The following DENND3 variants were observed in gnomAD, a reference collection of about 807,000 sequenced individuals.
The protein encoded by DENND3 is DENN domain containing 3.
DENND3 carries 88 observed loss-of-function variants against 135.1 expected under a neutral mutation model. That is an observed-to-expected ratio of 0.65 (90% CI 0.55 to 0.78). DENND3 has a LOEUF of 0.78. Ranked by LOEUF, DENND3 falls within the 30% of genes least tolerant of loss-of-function variation. DENND3 has a pLI of 0.00. For synonymous variants in DENND3, 693 were observed against 712.3 expected (o/e 0.97, Z 0.43); for missense variants, 1,392 against 1,688.4 (o/e 0.82, Z 3.08).
In DENND3 at chr8:141,168,676, G is replaced by A. The variant is rs1821110061; in HGVS notation, c.2275+151G>A. The A allele has an allele frequency of 1.0e-6, 1 of 953,612 alleles. No homozygotes were observed. Among genetic ancestry groups the A allele is most frequent in the African/African-American group, 1.7e-5 (1 of 60,218 alleles). The allele number at this position is 953,612 out of a possible 1,614,324, so 59.1% of individuals were successfully genotyped here. ...TCCTCCCACCTCAGCCTCCCGAGTA[G>A]CTGGGACTAGACTACAGGTACGCGA... is the stretch of plus-strand genomic sequence containing the variant. On this transcript the variant is annotated intron_variant, in intron 13 of 22. Transcript: ENST00000519811. This position sits in a 1 kb window ranked among gnomAD's most constrained non-coding sequence, Gnocchi z 6.2.
rs1199041878 is a variant in DENND3, at chr8:141,168,614, C to T, written c.2275+89C>T. The T allele has an allele frequency of 1.4e-6, 2 of 1,457,528 alleles. No homozygotes were observed. The highest frequency in any genetic ancestry group is 2.4e-5 in the East Asian group (1 of 41,048). 90.3% of individuals were successfully genotyped at this position (1,457,528 alleles called of 1,614,324 possible). ...CCAGGCTGGAGTGGACTGGCAATCA[C>T]AGCTCACTGCAACCTCCACCTCCTG... On this transcript the variant is annotated intron_variant, in intron 13 of 22. Coordinates refer to ENST00000519811, the MANE Select transcript of DENND3 (RefSeq NM_001352890.3). This position sits in a 1 kb window ranked among gnomAD's most constrained non-coding sequence, Gnocchi z 6.2.
chr8:141,142,907 C>G (rs1245976672), intron 4 of DENND3: 1 of 156,648 alleles, frequency 6.4e-6, no homozygotes, highest in Non-Finnish European at 1.4e-5. Context: ...GCCTCCTGGT[C>G]GATGTTATGT....
chr8:141,188,935 C>CA, intron 18 of DENND3, 51 bp from the exon 19 acceptor site: 1 of 1,595,456 alleles, frequency 6.3e-7, no homozygotes, highest in Non-Finnish European at 8.5e-7. Flanking sequence ...AATATGACTT[C>CA]ACCAGTATCG....
At chr8:141,189,236 C>G (rs1033307023) in intron 19 of DENND3, 90 bp downstream of exon 19, 1 of 1,559,176 alleles carries the variant, frequency 6.4e-7, no homozygotes, top group African/African-American at 1.4e-5. Flanking sequence ...CTTGTGCCCA[C>G]AGGGGCCAGG....
rs976079318 is a variant in DENND3, at chr8:141,194,013, C to T, written c.3637-20C>T. ...GAGGGGCTTCTTTCCCTGCTGACCC[C>T]TCCCGTTTCTCCCTGGCAGGTCTGG... is the stretch of plus-strand genomic sequence containing the variant. On this transcript the variant is annotated intron_variant, in intron 22 of 22. Transcript: ENST00000519811. 1 of 1,611,352 alleles carries T rather than the reference C, an allele frequency of 6.2e-7. No individual in the cohort carries two copies. The highest frequency in any genetic ancestry group is 8.5e-7 in the Non-Finnish European group (1 of 1,179,350).
chr8:141,146,031 T>C lies in DENND3; in HGVS notation c.735+1772T>C, dbSNP rs947598910. On this transcript the variant is annotated intron_variant, in intron 5 of 22. Coordinates refer to ENST00000519811, the MANE Select transcript of DENND3 (RefSeq NM_001352890.3). This position sits in a 1 kb window ranked among gnomAD's most constrained non-coding sequence, Gnocchi z 4.3. ...GCTGGCTAATTTTTTGTATTTTTAG[T>C]AGAGATGGGGTTTCACCTTGTTAGC... Among the ~76,000 whole-genome samples the C allele has an allele frequency of 6.6e-6, 1 of 151,598 alleles. No individual in the cohort carries two copies. The highest frequency in any genetic ancestry group is 2.4e-5 in the African/African-American group (1 of 41,292).
Position 141,185,263 on chromosome 8 carries a change from G to A in DENND3, c.3069G>A (p.Val1023=). Reference sequence around the variant, plus strand: ...CCATCCACCAGCACTCCTTTAAAGTGGGCACTGCAAAAGTGGTGAGTACAC... The same window carrying A: ...CCATCCACCAGCACTCCTTTAAAGTAGGCACTGCAAAAGTGGTGAGTACAC... The part of the protein sequence containing the change: ...SWTIHQHSFK[V]GTAKVNCMVM... Residue 1023 remains valine, a synonymous_variant, in exon 18 of 23, where the codon GTG becomes GTA. Transcript: ENST00000519811. 1 of 1,614,178 alleles carries A rather than the reference G, an allele frequency of 6.2e-7. No individual in the cohort carries two copies. Among genetic ancestry groups the A allele is most frequent in the South Asian group, 1.1e-5 (1 of 91,084 alleles).
intron 16 of DENND3, among the ~76,000 whole-genome samples, chr8:141,179,030 A>G (rs1035551860): frequency 6.6e-6 from 1 of 151,418 alleles, no homozygotes. Context: ...GATCTAGGGG[A>G]CTCTGGCTTT....
chr8:141,159,211 G>C lies in DENND3; in HGVS notation c.1197-1421G>C, dbSNP rs146155355. Among the ~76,000 whole-genome samples the C allele has an allele frequency of 5.3e-3, 803 of 152,270 alleles. 9 individuals are homozygous for C. Among genetic ancestry groups the C allele is most frequent in the African/African-American group, 0.018 (765 of 41,558 alleles). On this transcript the variant is annotated intron_variant, in intron 8 of 22. Transcript: ENST00000519811. Reference sequence around the variant, plus strand: ...GCGTGCCTGCCTGCTACCATCCCCTGGTGGGCCACTCCACCCAGAATCCCG... The same window carrying C: ...GCGTGCCTGCCTGCTACCATCCCCTCGTGGGCCACTCCACCCAGAATCCCG...
rs555053490 is a variant in DENND3, at chr8:141,168,477, G to T, written c.2227G>T (p.Val743Leu). 6.2e-7 allele frequency: 1 copy of T among 1,613,370 alleles called. No individual in the cohort carries two copies. The highest frequency in any genetic ancestry group is 8.5e-7 in the Non-Finnish European group (1 of 1,179,838). ...GAAGCGGGTCCAGGAGTCAGGGATC[G>T]TGAAGGACGCCAGCATCATACACCG... ...FMKRVQESGI[V>L]KDASIIHRLF... Residue 743 changes from valine (V) to leucine (L), a missense_variant, in exon 13 of 23, where the codon GTG (valine) becomes TTG (leucine). Transcript: ENST00000519811. This position sits in a 1 kb window ranked among gnomAD's most constrained non-coding sequence, Gnocchi z 6.2.
Position 141,175,830 on chromosome 8 carries a change from C to A in DENND3, c.2535+371C>A. Reference sequence around the variant, plus strand: ...CTGAGAAACTGCCATGTGCCAGCCACGGTGAGCTACAGTAGCTCACATTTT... The same window carrying A: ...CTGAGAAACTGCCATGTGCCAGCCAAGGTGAGCTACAGTAGCTCACATTTT... On this transcript the variant is annotated intron_variant, in intron 14 of 22. Transcript: ENST00000519811. This position sits in a 1 kb window ranked among gnomAD's most constrained non-coding sequence, Gnocchi z 5.4. The A allele has an allele frequency of 3.2e-6, 1 of 309,438 alleles. No individual in the cohort carries two copies. The highest frequency in any genetic ancestry group is 4.6e-5 in the Admixed American group (1 of 21,762). 19.2% of individuals were successfully genotyped at this position (309,438 alleles called of 1,614,324 possible).
chr8:141,189,265 G>A (rs1824362615), intron 19 of DENND3, 119 bp downstream of exon 19: 1 of 1,376,016 alleles, frequency 7.3e-7, no homozygotes, highest in Non-Finnish European at 1.0e-6. Flanking sequence ...ACAGAGTGAA[G>A]TGGATCTAGA....
intron 13 of DENND3, among the ~76,000 whole-genome samples, chr8:141,171,470 T>C (rs1821548053): frequency 6.6e-6 from 1 of 152,182 alleles, no homozygotes; most frequent in Non-Finnish European, 1.5e-5. Flanking sequence ...GCAGCTCCAA[T>C]GGTGACGTTG....
intron 17 of DENND3, 40 bp from the exon 18 acceptor site, chr8:141,185,099 G>GTGTT (rs1159291967): frequency 6.9e-6 from 11 of 1,590,008 alleles, no homozygotes; most frequent in Non-Finnish European, 9.4e-6. Flanking sequence ...TACAGCAGAA[G>GTGTT]TGTTTCCTCC....
In DENND3 at chr8:141,153,469, C is replaced by A. The variant is rs867621675; in HGVS notation, c.1074+1632C>A. Among the ~76,000 whole-genome samples, 5 of 152,362 alleles carry A rather than the reference C, an allele frequency of 3.3e-5. No homozygotes were observed. In the South Asian group the frequency reaches 6.2e-4, roughly 19 times the overall value. The stretch of plus-strand genomic sequence containing the variant: ...GTCATGCGCCCCTCACAGTCCTCAG[C>A]CTGTTGCCAGCTTCGCAGTCACCCC... On this transcript the variant is annotated intron_variant, in intron 7 of 22. Transcript: ENST00000519811.
At position 141,163,369 on chromosome 8, in the gene DENND3, C is replaced by CTTAT. The variant is rs1469792179; in HGVS notation, c.1391_1392insATTT (p.Phe464LeufsTer3). 6.2e-7 allele frequency: 1 copy of CTTAT among 1,612,630 alleles called. No individual in the cohort carries two copies. On this transcript the variant is annotated frameshift_variant, in exon 10 of 23. Transcript: ENST00000519811. LOFTEE classifies it high-confidence loss of function. ...ATCATTTAAACTATGAACACAGAGT[C>CTTAT]TTTAATAGTGAAGAATTTCTCAAAA...
rs1387247876 is a variant in DENND3 at position 141,141,348 on chromosome 8, G to C, written c.623+24G>C. The C allele has an allele frequency of 6.8e-6, 11 of 1,611,688 alleles. No individual in the cohort carries two copies. Among genetic ancestry groups the C allele is most frequent in the Non-Finnish European group, 7.6e-6 (9 of 1,179,816 alleles). Reference sequence around the variant, plus strand: ...TGGTGAGCTGGGGCACCGGGGGCCAGGGGTGGTAGGGGGCAGCTCTTTGTG... The same window carrying C: ...TGGTGAGCTGGGGCACCGGGGGCCACGGGTGGTAGGGGGCAGCTCTTTGTG... On this transcript the variant is annotated intron_variant, in intron 4 of 22. Coordinates refer to ENST00000519811, the MANE Select transcript of DENND3 (RefSeq NM_001352890.3). The surrounding 1 kb of genome is among the most constrained non-coding windows in gnomAD (Gnocchi z 5.3).
chr8:141,171,025 G>C (rs112575886), intron 13 of DENND3, among the ~76,000 whole-genome samples: 1 of 152,194 alleles, frequency 6.6e-6, no homozygotes, highest in African/African-American at 2.4e-5. Context: ...AGGGTGCGTG[G>C]GCCCTGTCCA....
rs1816875826 is a variant in DENND3, at chr8:141,137,130, C to A, written c.385+339C>A. 6.6e-6 allele frequency among the ~76,000 whole-genome samples: 1 copy of A among 152,122 alleles called. No individual in the cohort carries two copies. The highest frequency in any genetic ancestry group is 2.4e-5 in the African/African-American group (1 of 41,400). On this transcript the variant is annotated intron_variant, in intron 2 of 22. Transcript: ENST00000519811. This position sits in a 1 kb window ranked among gnomAD's most constrained non-coding sequence, Gnocchi z 4.1. ...AAGTAGCTGGGATTACAGGTGCCAA[C>A]CACCACGCCTGGCTAACTTTTGTGT...
Sources: gnomAD v4.1 joint callset for allele counts (sites outside exome capture counted in the v4.1 genomes callset) on GRCh38, gnomAD v4.1.1 for gene constraint, Gnocchi (gnomAD v3.1) non-coding constraint, MANE v1.5 for transcripts, NCBI Gene and HGNC (gene_info 2026-07-23, HGNC 2026-07-21) for gene names.